Variants in TFDP2 observed in about 807,000 individuals in gnomAD.
The protein encoded by TFDP2 is transcription factor Dp-2 (E2F dimerization partner 2).
A neutral mutation model predicts 59.3 loss-of-function variants in TFDP2; 17 were observed. The ratio of observed to expected loss-of-function variants is 0.29; its 90% CI spans 0.20 to 0.43. TFDP2 has a LOEUF of 0.43. Ranked by LOEUF, TFDP2 falls within the 20% of genes least tolerant of loss-of-function variation. The pLI, the probability that TFDP2 is intolerant of heterozygous loss-of-function variation, is 1.00. For synonymous variants in TFDP2, 180 were observed against 194.7 expected, an observed-to-expected ratio of 0.92 and a Z score of 0.63; for missense variants, 391 against 528.8, an observed-to-expected ratio of 0.74 and a Z score of 2.56.
chr3:142,030,741 C>CTTTTTTTTT (rs56836983), intron 3 of TFDP2, among the ~76,000 whole-genome samples: 1 of 121,824 alleles, frequency 8.2e-6, no homozygotes, highest in Non-Finnish European at 1.6e-5. Context: ...CCCGTGTTCT[C>CTTTTTTTTT]TTTTTTTTTT....
At chr3:141,971,746 TAA>T (rs1237453721) in intron 8 of TFDP2, among the ~76,000 whole-genome samples, 1 of 152,190 alleles carries the variant, frequency 6.6e-6, no homozygotes, top group Admixed American at 6.5e-5. Context: ...GCAGCTGGCA[TAA>T]GAGAGTCTTC....
At chr3:142,030,269 A>G (rs1464403706) in intron 3 of TFDP2, among the ~76,000 whole-genome samples, 3 of 152,210 alleles carry the variant, frequency 2.0e-5, no homozygotes, top group Non-Finnish European at 4.4e-5. Context: ...TACAACCTAT[A>G]TGGCCCTCTA....
chr3:142,005,352 T>C, intron 4 of TFDP2, 89 bp downstream of exon 4: 2 of 1,133,968 alleles, frequency 1.8e-6, no homozygotes, highest in Non-Finnish European at 2.5e-6. Flanking sequence ...TTAACTGGAA[T>C]ATCTGATCAA....
At chr3:142,144,640 C>T (rs529328210) in intron 1 of TFDP2, among the ~76,000 whole-genome samples, 7 of 152,156 alleles carry the variant, frequency 4.6e-5, no homozygotes, top group African/African-American at 1.4e-4. Context: ...TTCCTGGGCT[C>T]AAGAGATCCT....
intron 1 of TFDP2, among the ~76,000 whole-genome samples, chr3:142,143,766 G>A (rs1461849931): frequency 2.6e-5 from 4 of 152,190 alleles, no homozygotes; most frequent in Admixed American, 2.6e-4. Flanking sequence ...TACTGGTGGG[G>A]ATGTGCAGAG....
At chr3:142,109,138 AC>A (rs60017605) in intron 1 of TFDP2, among the ~76,000 whole-genome samples, 19 of 152,280 alleles carry the variant, frequency 1.2e-4, no homozygotes, top group African/African-American at 4.3e-4. Context: ...CATTTTGTTC[AC>A]CCTTACATAT....
intron 2 of TFDP2, among the ~76,000 whole-genome samples, chr3:142,097,457 A>G (rs1274002047): frequency 6.6e-6 from 1 of 152,150 alleles, no homozygotes; most frequent in East Asian, 1.9e-4. Context: ...TAGGGAGGCT[A>G]AGGCAGGAAG....
chr3:142,096,947 C>T (rs1276873949), intron 2 of TFDP2, among the ~76,000 whole-genome samples: 1 of 152,122 alleles, frequency 6.6e-6, no homozygotes, highest in Admixed American at 6.6e-5. Flanking sequence ...TATTAATATG[C>T]CAAAGCAATA....
rs1935818445 is a variant in TFDP2 at position 141,950,409 on chromosome 3, CTT to C, written c.*2102_*2103del. The C allele has an allele frequency of 6.6e-6, 1 of 152,262 alleles. No individual in the cohort carries two copies. Among genetic ancestry groups the C allele is most frequent in the South Asian group, 2.1e-4 (1 of 4,826 alleles). 9.4% of individuals were successfully genotyped at this position (152,262 alleles called of 1,614,324 possible). A position where few individuals can be genotyped will look rare whatever the true frequency, so the allele number is the denominator to read the frequency against. Reference sequence around the variant, plus strand: ...ATGGGGCACCAATAAGGATAAGAGTCTTTGGCGGCTTTCTTTTTTTGAGCCCA... The same window carrying C: ...ATGGGGCACCAATAAGGATAAGAGTCTGGCGGCTTTCTTTTTTTGAGCCCA... On this transcript the variant is annotated 3_prime_UTR_variant, in exon 13 of 13. Transcript: ENST00000489671.
chr3:142,032,251 G>A (rs1367910981), intron 3 of TFDP2, among the ~76,000 whole-genome samples: 2 of 152,146 alleles, frequency 1.3e-5, no homozygotes, highest in African/African-American at 4.8e-5. Flanking sequence ...CCACAGGTGT[G>A]CACCACCATG....
At chr3:142,025,415 A>G (rs1487710037) in intron 3 of TFDP2, among the ~76,000 whole-genome samples, 1 of 152,250 alleles carries the variant, frequency 6.6e-6, no homozygotes, top group Non-Finnish European at 1.5e-5. Flanking sequence ...TTGAAGGGCT[A>G]GGAGTCCAAA....
At chr3:142,137,687 A>T (rs2062786026) in intron 1 of TFDP2, among the ~76,000 whole-genome samples, 1 of 152,048 alleles carries the variant, frequency 6.6e-6, no homozygotes, top group African/African-American at 2.4e-5. Context: ...ACTTTTATTG[A>T]TTTGCATATG....
chr3:142,032,262 C>T (rs1012918240), intron 3 of TFDP2, among the ~76,000 whole-genome samples: 2 of 152,048 alleles, frequency 1.3e-5, no homozygotes, highest in Admixed American at 6.6e-5. Flanking sequence ...CACCACCATG[C>T]CTGGCTAATT....
At chr3:142,139,308 A>G (rs974256440) in intron 1 of TFDP2, among the ~76,000 whole-genome samples, 1 of 151,606 alleles carries the variant, frequency 6.6e-6, no homozygotes, top group Non-Finnish European at 1.5e-5. Flanking sequence ...ATGGGTCTTG[A>G]CTCTTTATCC....
chr3:141,964,894 T>A (rs945156526), intron 9 of TFDP2, among the ~76,000 whole-genome samples: 2 of 152,114 alleles, frequency 1.3e-5, no homozygotes, highest in East Asian at 1.9e-4. Context: ...ATAAGATACA[T>A]CAAGGCCTAA....
chr3:141,958,529 ATATTTGAGGGGT>A (rs1287437772), intron 11 of TFDP2, among the ~76,000 whole-genome samples: 1 of 152,086 alleles, frequency 6.6e-6, no homozygotes, highest in African/African-American at 2.4e-5. Flanking sequence ...GAGAATGGTT[ATATTTGAGGGGT>A]GGGAAAGGGC....
At chr3:141,991,906 G>C (rs1942810295) in intron 6 of TFDP2, among the ~76,000 whole-genome samples, 1 of 152,054 alleles carries the variant, frequency 6.6e-6, no homozygotes, top group Admixed American at 6.6e-5. Flanking sequence ...GCTGGGCATG[G>C]TGGTGCATGT....
chr3:142,091,811 T>C (rs962271354), intron 3 of TFDP2, among the ~76,000 whole-genome samples: 1 of 152,098 alleles, frequency 6.6e-6, no homozygotes, highest in Non-Finnish European at 1.5e-5. Context: ...CCATGTGCAG[T>C]TCACAATAGG....
intron 9 of TFDP2, among the ~76,000 whole-genome samples, chr3:141,966,199 G>A (rs771224725): frequency 9.2e-5 from 14 of 151,882 alleles, no homozygotes; most frequent in Admixed American, 2.6e-4. Flanking sequence ...TTGAGACGGA[G>A]TCTCACTCTG....
Sources: gnomAD v4.1 joint callset for allele counts (sites outside exome capture counted in the v4.1 genomes callset) on GRCh38, gnomAD v4.1.1 for gene constraint, MANE v1.5 for transcripts, NCBI Gene and HGNC (gene_info 2026-07-23, HGNC 2026-07-21) for gene names.